Variants in HERC3 observed in about 807,000 individuals in gnomAD.
HERC3 encodes HECT and RLD domain containing E3 ubiquitin protein ligase 3.
HERC3 carries 58 observed loss-of-function variants against 129.9 expected under a neutral mutation model. That is an observed-to-expected ratio of 0.45 (90% CI 0.36 to 0.56). HERC3 has a LOEUF of 0.56. HERC3 is among the 20% of genes least tolerant of loss of function. The probability of loss-of-function intolerance (pLI) is 0.00; values close to 1 mark genes in which losing one functional copy is unlikely to be tolerated. For missense variants in HERC3, 835 were observed against 1,244.2 expected, an observed-to-expected ratio of 0.67 and a Z score of 4.95; for synonymous variants, 430 against 451.0, an observed-to-expected ratio of 0.95 and a Z score of 0.59.
chr4:88,667,140 T>C (rs965305326), intron 12 of HERC3, among the ~76,000 whole-genome samples: 1 of 152,218 alleles, frequency 6.6e-6, no homozygotes, highest in Non-Finnish European at 1.5e-5. Context: ...ATTTAAAAAT[T>C]TGAAAATTCT....
chr4:88,676,459 G>T, intron 18 of HERC3, 36 bp downstream of exon 18: 1 of 1,393,470 alleles, frequency 7.2e-7, no homozygotes, highest in Non-Finnish European at 1.0e-6. Flanking sequence ...TCTTTTTACT[G>T]TGTTTCTCCC....
intron 3 of HERC3, among the ~76,000 whole-genome samples, chr4:88,645,634 G>A (rs1356402817): frequency 6.6e-6 from 1 of 152,046 alleles, no homozygotes; most frequent in African/African-American, 2.4e-5. Flanking sequence ...GCTACTAAGG[G>A]GCTAACAGGC....
chr4:88,688,208 G>A (rs1733686043), intron 23 of HERC3, among the ~76,000 whole-genome samples: 1 of 152,162 alleles, frequency 6.6e-6, no homozygotes. Context: ...AGATGAGTTG[G>A]GACTCTGCAG....
chr4:88,614,161 TTAA>T (rs1724655265), intron 3 of HERC3, among the ~76,000 whole-genome samples: 2 of 152,142 alleles, frequency 1.3e-5, no homozygotes, highest in African/African-American at 4.8e-5. Context: ...ATAAAAGTGG[TTAA>T]TGATACATAT....
intron 3 of HERC3, among the ~76,000 whole-genome samples, chr4:88,634,839 C>G (rs969981181): frequency 6.6e-6 from 1 of 152,158 alleles, no homozygotes; most frequent in Non-Finnish European, 1.5e-5. Context: ...CCTCAAGTGA[C>G]ATTTCCAGAT....
chr4:88,573,471 T>A, the HERC3 span, among the ~76,000 whole-genome samples: 1 of 152,230 alleles, frequency 6.6e-6, no homozygotes, highest in Non-Finnish European at 1.5e-5. Flanking sequence ...AAGCATGGAC[T>A]GTTTGCCTAC....
chr4:88,529,537 C>T, the HERC3 span, among the ~76,000 whole-genome samples: 6 of 152,074 alleles, frequency 3.9e-5, no homozygotes, highest in African/African-American at 1.4e-4. Flanking sequence ...CGGTGGATCA[C>T]GAGGTCAGGA....
intron 3 of HERC3, among the ~76,000 whole-genome samples, chr4:88,645,532 G>T (rs1246609734): frequency 6.6e-6 from 1 of 151,956 alleles, no homozygotes; most frequent in Non-Finnish European, 1.5e-5. Context: ...ATCTGCAGGG[G>T]ATGTGTTCCA....
chr4:88,604,776 C>G (rs1278483569), intron 2 of HERC3, among the ~76,000 whole-genome samples: 2 of 152,140 alleles, frequency 1.3e-5, no homozygotes. Context: ...GGGTTTATAA[C>G]TAGTAGTGAA....
the HERC3 span, among the ~76,000 whole-genome samples, chr4:88,575,383 TC>T: frequency 2.0e-5 from 3 of 152,168 alleles, no homozygotes; most frequent in Admixed American, 2.0e-4. Context: ...CTAGAGCTCC[TC>T]CTCAGCCTGT....
intron 3 of HERC3, 134 bp from the exon 4 acceptor site, chr4:88,649,706 T>A: frequency 1.4e-6 from 1 of 705,422 alleles, no homozygotes; most frequent in Admixed American, 2.9e-5. Context: ...GTGAAATTTA[T>A]AATCTCTATA....
the HERC3 span, chr4:88,524,031 C>A: frequency 1.7e-5 from 6 of 355,060 alleles, no homozygotes; most frequent in Non-Finnish European, 3.0e-5. Flanking sequence ...GCTAGGAAGC[C>A]AGTGGCCAGG....
the HERC3 span, among the ~76,000 whole-genome samples, chr4:88,580,413 C>A: frequency 2.0e-5 from 3 of 152,032 alleles, no homozygotes; most frequent in East Asian, 1.9e-4. Flanking sequence ...TGATCCCCAG[C>A]TACTCAGGAG....
intron 3 of HERC3, among the ~76,000 whole-genome samples, chr4:88,647,279 A>T (rs1164937517): frequency 6.6e-6 from 1 of 152,184 alleles, no homozygotes; most frequent in Non-Finnish European, 1.5e-5. Flanking sequence ...TTCTGTCAGG[A>T]TAGTGGGGAA....
chr4:88,678,968 G>A (rs577920312), intron 19 of HERC3, among the ~76,000 whole-genome samples: 1 of 152,284 alleles, frequency 6.6e-6, no homozygotes, highest in South Asian at 2.1e-4. Context: ...TTACTTTGTA[G>A]CAGTATTCTT....
At chr4:88,686,599 G>A (rs768365893) in intron 21 of HERC3, 137 bp from the exon 22 acceptor site, 29 of 581,076 alleles carry the variant, frequency 5.0e-5, no homozygotes, top group Middle Eastern at 3.2e-4. Flanking sequence ...TTTTCTGTCC[G>A]TCCGGATTTA....
intron 3 of HERC3, among the ~76,000 whole-genome samples, chr4:88,645,524 C>T (rs1384287233): frequency 1.3e-5 from 2 of 152,046 alleles, no homozygotes; most frequent in Non-Finnish European, 2.9e-5. Context: ...CCCTCCTTAT[C>T]TGCAGGGGAT....
intron 3 of HERC3, among the ~76,000 whole-genome samples, chr4:88,630,749 T>A (rs1477476550): frequency 6.6e-6 from 1 of 152,248 alleles, no homozygotes; most frequent in Non-Finnish European, 1.5e-5. Flanking sequence ...TGTAGCACCA[T>A]GCAGGGGACC....
intron 2 of HERC3, among the ~76,000 whole-genome samples, chr4:88,603,979 TAAA>T (rs984311196): frequency 1.3e-5 from 2 of 152,006 alleles, no homozygotes; most frequent in African/African-American, 4.8e-5. Flanking sequence ...TAAAGACAAT[TAAA>T]AAATCTTTAC....
Sources: gnomAD v4.1 joint callset for allele counts (sites outside exome capture counted in the v4.1 genomes callset) on GRCh38, gnomAD v4.1.1 for gene constraint, MANE v1.5 for transcripts, NCBI Gene and HGNC (gene_info 2026-07-23, HGNC 2026-07-21) for gene names.